SAAL1: variants seen among roughly 807,000 people sequenced by gnomAD.
SAAL1 encodes the protein serum amyloid A like 1.
A neutral mutation model predicts 59.8 loss-of-function variants in SAAL1; 42 were observed. That is an observed-to-expected ratio of 0.70 (90% CI 0.55 to 0.91). SAAL1 has a LOEUF of 0.91. SAAL1 is among the 40% of genes least tolerant of loss of function. The pLI is 0.00. For missense variants in SAAL1, 542 were observed against 561.1 expected (o/e 0.97, Z 0.34); for synonymous variants, 191 against 194.3 (o/e 0.98, Z 0.14).
At chr11:18,097,247 A>T (rs978002059) in intron 2 of SAAL1, among the ~76,000 whole-genome samples, 6 of 152,054 alleles carry the variant, frequency 3.9e-5, no homozygotes, top group African/African-American at 1.4e-4. Flanking sequence ...CAAAAAAAAT[A>T]AAAAAATAAA....
In SAAL1 at chr11:18,103,328, T is replaced by G. The variant is rs761484261; in HGVS notation, c.154A>C (p.Thr52Pro). The change falls in exon 2 of 12, where the codon ACC (threonine) becomes CCC (proline). Residue 52 changes from threonine (T) to proline (P), a missense_variant. Thr to Pro is a conservative substitution (Grantham distance 38). Transcript: ENST00000524803. ...TCCTCATCATCTGAGCTAGATTTGG[T>G]GTTTTCAGGGCTAACAATCTTCAGA... Reference protein sequence around the residue: ...GLIQIVSPENTKSSSDDEEQL... With the variant: ...GLIQIVSPENPKSSSDDEEQL... 5 of 1,613,422 alleles carry G rather than the reference T, an allele frequency of 3.1e-6. No individual in the cohort carries two copies. Among genetic ancestry groups the G allele is most frequent in the Non-Finnish European group, 4.2e-6 (5 of 1,179,584 alleles).
At chr11:18,084,138 A>C (rs1284834695) in intron 9 of SAAL1, among the ~76,000 whole-genome samples, 1 of 152,208 alleles carries the variant, frequency 6.6e-6, no homozygotes, top group Non-Finnish European at 1.5e-5. Flanking sequence ...GGAGTTCGAG[A>C]CCAGCCTGAG....
At chr11:18,085,051 C>T (rs1263504053) in intron 9 of SAAL1, among the ~76,000 whole-genome samples, 1 of 152,186 alleles carries the variant, frequency 6.6e-6, no homozygotes, top group African/African-American at 2.4e-5. Context: ...TAGGTGTGAG[C>T]CACAGCACCT....
intron 3 of SAAL1, chr11:18,093,702 CTAAGATCT>C (rs1206614049): frequency 1.3e-5 from 2 of 152,160 alleles, no homozygotes; most frequent in Non-Finnish European, 2.9e-5. Flanking sequence ...AGCTACTTGC[CTAAGATCT>C]TAAGATCTCC....
chr11:18,100,974 C>T (rs1414518273), intron 2 of SAAL1, among the ~76,000 whole-genome samples: 1 of 152,090 alleles, frequency 6.6e-6, no homozygotes, highest in Non-Finnish European at 1.5e-5. Context: ...CAAACAGGTA[C>T]TTCACCAAAA....
chr11:18,084,324 C>T (rs6486406), intron 9 of SAAL1, among the ~76,000 whole-genome samples: 60,770 of 152,046 alleles, frequency 0.4, 13,508 homozygotes, highest in African/African-American at 0.59. Context: ...CATGACTCCC[C>T]ATATTTCTCA....
intron 2 of SAAL1, among the ~76,000 whole-genome samples, chr11:18,097,181 G>A (rs1012774955): frequency 3.3e-5 from 5 of 151,984 alleles, no homozygotes; most frequent in Non-Finnish European, 5.9e-5. Flanking sequence ...AGGTTGCAGT[G>A]AGCTGAGATC....
intron 3 of SAAL1, chr11:18,093,839 G>A (rs1326172905): frequency 1.3e-5 from 2 of 152,200 alleles, no homozygotes; most frequent in African/African-American, 4.8e-5. Context: ...TGAAGCTGAG[G>A]AAGACTCTCA....
At chr11:18,091,846 C>G (rs1022173934) in intron 4 of SAAL1, among the ~76,000 whole-genome samples, 2 of 152,182 alleles carry the variant, frequency 1.3e-5, no homozygotes, top group African/African-American at 4.8e-5. Flanking sequence ...GTCTTACACT[C>G]TAAGTCAGAG....
intron 9 of SAAL1, among the ~76,000 whole-genome samples, chr11:18,084,539 G>A (rs1468341550): frequency 2.0e-5 from 3 of 152,126 alleles, no homozygotes; most frequent in Admixed American, 6.5e-5. Context: ...CATACTTCTG[G>A]TTGAAGGCTT....
Position 18,105,997 on chromosome 11 carries a change from C to T in SAAL1, c.45G>A (p.Glu15=), listed in dbSNP as rs572033855. ...CTCCACCGGCCACCTCCTCCTCCTCCTCCTTGTCGCGACCCGGCGGCGGCG... is the reference window on the plus strand; with the variant it reads ...CTCCACCGGCCACCTCCTCCTCCTCTTCCTTGTCGCGACCCGGCGGCGGCG... The part of the protein sequence containing the change: ...PSPPPPGRDK[E]EEEEVAGGDC... The change falls in exon 1 of 12, where the codon GAG becomes GAA. Residue 15 remains glutamate (E), a synonymous_variant. Transcript: ENST00000524803. 1.2e-5 allele frequency: 19 copies of T among 1,609,528 alleles called. No individual in the cohort carries two copies. In the South Asian group the frequency reaches 1.9e-4, roughly 16 times the overall value.
chr11:18,080,640 A>T (rs1025236986), intron 11 of SAAL1, 149 bp from the exon 12 acceptor site: 6 of 555,092 alleles, frequency 1.1e-5, no homozygotes, highest in African/African-American at 9.8e-5. Flanking sequence ...CTTCCTAAGC[A>T]GTCTTCTAAA....
chr11:18,106,059 CG>C lies in SAAL1; in HGVS notation c.-19del. The stretch of plus-strand genomic sequence containing the variant: ...CGGTCCATGACTTTGTCGCGTCCCG[CG>C]CTTGAAGGCCGTGCCGGAAGCTGCG... On this transcript the variant is annotated 5_prime_UTR_variant, in exon 1 of 12. Transcript: ENST00000524803. 2 of 1,588,950 alleles carry C rather than the reference CG, an allele frequency of 1.3e-6. No individual in the cohort carries two copies. The highest frequency in any genetic ancestry group is 1.7e-6 in the Non-Finnish European group (2 of 1,173,946).
At chr11:18,090,088 A>C in intron 6 of SAAL1, 87 bp downstream of exon 6, 1 of 1,270,734 alleles carries the variant, frequency 7.9e-7, no homozygotes, top group South Asian at 1.6e-5. Flanking sequence ...TTTTTTTAAA[A>C]AGGTGACTTC....
At chr11:18,082,866 A>C (rs945120056) in intron 10 of SAAL1, among the ~76,000 whole-genome samples, 1 of 152,162 alleles carries the variant, frequency 6.6e-6, no homozygotes, top group African/African-American at 2.4e-5. Flanking sequence ...TCCTGGGCTC[A>C]AGTGATCCAC....
Position 18,082,860 on chromosome 11 carries a change from GGGCTCAA to G in SAAL1, c.1239+668_1239+674del, listed in dbSNP as rs539929755. Among the ~76,000 whole-genome samples, 19 of 152,190 alleles carry G rather than the reference GGGCTCAA, an allele frequency of 1.2e-4. No individual in the cohort carries two copies. The South Asian group carries it at 3.9e-3, about 32-fold the overall frequency. ...TTGCCCAAACTGGTCTCAAACTCCTGGGCTCAAGTGATCCACCTGCCTCAGCCTCCCA... is the reference window on the plus strand; with the variant it reads ...TTGCCCAAACTGGTCTCAAACTCCTGGTGATCCACCTGCCTCAGCCTCCCA... On this transcript the variant is annotated intron_variant, in intron 10 of 11. Coordinates refer to ENST00000524803, the MANE Select transcript of SAAL1 (RefSeq NM_138421.3).
chr11:18,092,287 A>G lies in SAAL1; in HGVS notation c.371T>C (p.Phe124Ser). The change falls in exon 4 of 12, where the codon TTC becomes TCC. Residue 124 changes from phenylalanine (F) to serine (S), a missense_variant. Phe to Ser is a radical substitution (Grantham distance 155, BLOSUM62 -2). Coordinates refer to ENST00000524803, the MANE Select transcript of SAAL1 (RefSeq NM_138421.3). Reference sequence around the variant, plus strand: ...GCTGATGGACACACATATCTCCTGGAAACAGGCCATATTACCTAAAATTCC... The same window carrying G: ...GCTGATGGACACACATATCTCCTGGGAACAGGCCATATTACCTAAAATTCC... ...CVGILGNMAC[F>S]QEICVSISSD... The G allele has an allele frequency of 6.2e-7, 1 of 1,608,494 alleles. No individual in the cohort carries two copies. Among genetic ancestry groups the G allele is most frequent in the Non-Finnish European group, 8.5e-7 (1 of 1,174,932 alleles).
intron 3 of SAAL1, among the ~76,000 whole-genome samples, chr11:18,095,139 TA>T (rs1848559509): frequency 6.6e-6 from 1 of 152,102 alleles, no homozygotes; most frequent in Non-Finnish European, 1.5e-5. Context: ...GGGACATGCT[TA>T]AGTTTGAGAG....
rs553600027 is a variant in SAAL1 at position 18,091,235 on chromosome 11, G to C, written c.414-742C>G. The stretch of plus-strand genomic sequence containing the variant: ...TCACAGCACATGCATATGTTCCAAC[G>C]TGACCAGATAATGCCCAACTAAAGT... On this transcript the variant is annotated intron_variant, in intron 4 of 11. Coordinates refer to ENST00000524803, the MANE Select transcript of SAAL1 (RefSeq NM_138421.3). Among the ~76,000 whole-genome samples the C allele has an allele frequency of 2.4e-3, 328 of 137,718 alleles. 1 individual carries two copies. Among genetic ancestry groups the C allele is most frequent in the African/African-American group, 9.0e-3 (315 of 35,164 alleles). 90.3% of individuals were successfully genotyped at this position (137,718 alleles called of 152,430 possible). A position where few individuals can be genotyped will look rare whatever the true frequency, so the allele number is the denominator to read the frequency against.
Sources: allele counts gnomAD v4.1 joint callset (sites outside exome capture counted in the v4.1 genomes callset), GRCh38; gene constraint gnomAD v4.1.1; transcripts MANE v1.5; gene names NCBI Gene and HGNC (gene_info 2026-07-23, HGNC 2026-07-21).